MARK3: variants seen among roughly 807,000 people sequenced by gnomAD.
MARK3 encodes the protein MAP/microtubule affinity-regulating kinase 3.
In MARK3, 46 loss-of-function variants were observed where a neutral mutation model predicts 90.1. The ratio of observed to expected loss-of-function variants is 0.51; its 90% CI spans 0.40 to 0.65. MARK3 has a LOEUF of 0.65. Ranked by LOEUF, MARK3 falls within the 30% of genes least tolerant of loss-of-function variation. The pLI, the probability that MARK3 is intolerant of heterozygous loss-of-function variation, is 0.00. For synonymous variants in MARK3, 321 were observed against 332.6 expected (o/e 0.97, Z 0.38); for missense variants, 818 against 947.2 (o/e 0.86, Z 1.79).
At chr14:103,398,480 A>G (rs770809373) in intron 1 of MARK3, among the ~76,000 whole-genome samples, 1 of 151,886 alleles carries the variant, frequency 6.6e-6, no homozygotes, top group Non-Finnish European at 1.5e-5. Context: ...GGGGTTGGTG[A>G]TTTTTATCAA....
intron 13 of MARK3, among the ~76,000 whole-genome samples, chr14:103,479,628 C>CTTTTTT (rs34768749): frequency 0.014 from 1,079 of 78,226 alleles, 29 homozygotes; most frequent in Non-Finnish European, 0.016. Flanking sequence ...ATACGTATAG[C>CTTTTTT]TTTTTTTTTT....
chr14:103,462,136 A>G (rs1288619962), intron 6 of MARK3, among the ~76,000 whole-genome samples: 1 of 152,084 alleles, frequency 6.6e-6, no homozygotes, highest in African/African-American at 2.4e-5. Context: ...ACTACACTGT[A>G]AGTGGAATGT....
chr14:103,450,799 A>T (rs2093118638), intron 4 of MARK3, among the ~76,000 whole-genome samples: 1 of 151,804 alleles, frequency 6.6e-6, no homozygotes, highest in South Asian at 2.1e-4. Context: ...ACTTAAAGTA[A>T]ATATTAACAT....
intron 14 of MARK3, chr14:103,491,065 T>A: frequency 7.8e-7 from 1 of 1,288,062 alleles, no homozygotes; most frequent in Non-Finnish European, 1.0e-6. Context: ...CCCAAGATGA[T>A]GTTACCTCCA....
chr14:103,462,807 C>T (rs374789911), intron 7 of MARK3, among the ~76,000 whole-genome samples: 4 of 152,154 alleles, frequency 2.6e-5, no homozygotes, highest in Admixed American at 6.5e-5. Context: ...TATTCTCTCC[C>T]GTTAACAGCA....
In MARK3 at chr14:103,414,788, G is replaced by C. The variant is rs1344348236; in HGVS notation, c.243+9521G>C. 3.9e-5 allele frequency among the ~76,000 whole-genome samples: 6 copies of C among 152,084 alleles called. No homozygotes were observed. In the South Asian group the frequency reaches 1.2e-3, roughly 32 times the overall value. The stretch of plus-strand genomic sequence containing the variant: ...AAGAATTTTCTGAAAGAAGGGAGTA[G>C]GGACAATCTATATCATGCATTTAAG... On this transcript the variant is annotated intron_variant, in intron 2 of 17. Transcript: ENST00000429436.
Position 103,498,404 on chromosome 14 carries a change from G to GT in MARK3, c.1845-90dup, listed in dbSNP as rs551098267. The GT allele has an allele frequency of 1.0e-3, 863 of 859,770 alleles. 1 individual carries two copies. Among genetic ancestry groups the GT allele is most frequent in the Non-Finnish European group, 1.3e-3 (798 of 622,246 alleles). 53.3% of individuals were successfully genotyped at this position (859,770 alleles called of 1,614,324 possible). On this transcript the variant is annotated intron_variant, in intron 15 of 17. Coordinates refer to ENST00000429436, the MANE Select transcript of MARK3 (RefSeq NM_001128918.3). The stretch of plus-strand genomic sequence containing the variant: ...TTGGCCAGAGAAGGAACCCTGCTTT[G>GT]TTTTTTTTCTTTCTCTCTGTAATTG...
chr14:103,392,926 C>CA (rs1170468768), intron 1 of MARK3, among the ~76,000 whole-genome samples: 1 of 152,002 alleles, frequency 6.6e-6, no homozygotes, highest in Non-Finnish European at 1.5e-5. Context: ...TCTCCTGCCT[C>CA]AGCCTCCCAG....
At chr14:103,390,125 G>C (rs2090136727) in intron 1 of MARK3, among the ~76,000 whole-genome samples, 1 of 151,942 alleles carries the variant, frequency 6.6e-6, no homozygotes, top group African/African-American at 2.4e-5. Flanking sequence ...GCAGGTGCCT[G>C]TAGTCCCAGC....
chr14:103,414,931 G>T (rs2140887406), intron 2 of MARK3, among the ~76,000 whole-genome samples: 1 of 151,930 alleles, frequency 6.6e-6, no homozygotes, highest in East Asian at 1.9e-4. Flanking sequence ...AAGAGATCGA[G>T]ACCTGAGGTC....
intron 14 of MARK3, among the ~76,000 whole-genome samples, chr14:103,482,929 C>T (rs2093852909): frequency 1.3e-5 from 2 of 152,178 alleles, no homozygotes; most frequent in African/African-American, 2.4e-5. Context: ...TGTCGTCTTT[C>T]TCTTTAGTCA....
intron 15 of MARK3, among the ~76,000 whole-genome samples, chr14:103,496,799 G>A (rs1163328744): frequency 1.3e-5 from 2 of 152,128 alleles, no homozygotes; most frequent in Non-Finnish European, 2.9e-5. Flanking sequence ...ACACTTTGGG[G>A]GAAGGTGAGG....
intron 4 of MARK3, 84 bp downstream of exon 4, chr14:103,449,051 G>GGTA: frequency 7.4e-7 from 1 of 1,348,078 alleles, no homozygotes; most frequent in Non-Finnish European, 1.0e-6. Context: ...TTCTAGAAAT[G>GGTA]GTAGAGTACA....
chr14:103,500,338 G>A, intron 17 of MARK3, 138 bp downstream of exon 17: 1 of 638,152 alleles, frequency 1.6e-6, no homozygotes, highest in East Asian at 2.9e-5. Flanking sequence ...TGGCCACAAG[G>A]GGGCGCCAGC....
intron 3 of MARK3, among the ~76,000 whole-genome samples, chr14:103,439,689 G>A (rs561374928): frequency 2.0e-5 from 3 of 152,142 alleles, no homozygotes; most frequent in Non-Finnish European, 4.4e-5. Flanking sequence ...AATTACAGGC[G>A]TGAGCCACCG....
chr14:103,421,204 T>C (rs1173715518), intron 2 of MARK3, among the ~76,000 whole-genome samples: 3 of 152,208 alleles, frequency 2.0e-5, no homozygotes, highest in Non-Finnish European at 2.9e-5. Context: ...TCATATATAG[T>C]AAAGAAGGTG....
rs1258970490 is a variant in MARK3, at chr14:103,424,273, C to CT, written c.244-4113dup. The stretch of plus-strand genomic sequence containing the variant: ...AGTGACCGGATGCCGTGGCTCATGC[C>CT]TGTAATCCTAGCACTTCGGGAGGCT... On this transcript the variant is annotated intron_variant, in intron 2 of 17. Coordinates refer to ENST00000429436, the MANE Select transcript of MARK3 (RefSeq NM_001128918.3). Among the ~76,000 whole-genome samples, 4 of 151,932 alleles carry CT rather than the reference C, an allele frequency of 2.6e-5. No individual in the cohort carries two copies. The East Asian group carries it at 7.8e-4, about 29-fold the overall frequency.
chr14:103,416,065 C>G (rs920956362), intron 2 of MARK3, among the ~76,000 whole-genome samples: 14 of 152,204 alleles, frequency 9.2e-5, no homozygotes, highest in African/African-American at 3.4e-4. Flanking sequence ...CATTTATTTT[C>G]TTATATAATT....
chr14:103,484,569 G>A (rs1436830708), intron 14 of MARK3, among the ~76,000 whole-genome samples: 3 of 152,208 alleles, frequency 2.0e-5, no homozygotes, highest in Admixed American at 1.3e-4. Context: ...CCTGCATCAA[G>A]TCACATAGAG....
Sources: allele counts gnomAD v4.1 joint callset (sites outside exome capture counted in the v4.1 genomes callset), GRCh38; gene constraint gnomAD v4.1.1; transcripts MANE v1.5; gene names NCBI Gene and HGNC (gene_info 2026-07-23, HGNC 2026-07-21).